The following AGBL4 variants were observed in gnomAD, a reference collection of about 807,000 sequenced individuals.
AGBL4 encodes cytosolic carboxypeptidase 6.
In AGBL4, 58 loss-of-function variants were observed where a neutral mutation model predicts 66.4. The observed-to-expected ratio is 0.87, with a 90% confidence interval of 0.71 to 1.09. The LOEUF is 1.09. Among genes scored for constraint, AGBL4 ranks in the 50% least tolerant of loss-of-function variants. AGBL4 has a pLI of 0.00. For synonymous variants in AGBL4, 234 were observed against 222.9 expected (o/e 1.05, Z -0.44); for missense variants, 579 against 631.0 (o/e 0.92, Z 0.88).
At position 49,423,955 on chromosome 1, in the gene AGBL4, C is replaced by T. The variant is rs1042031340; in HGVS notation, c.283-178091G>A. ...AATGTCAATGAGAAATGACCTTCAA[C>T]TCTCTTAAATAAGATACTAGTACTG... On this transcript the variant is annotated intron_variant, in intron 3 of 13. Transcript: ENST00000371839. Among the ~76,000 whole-genome samples, 7 of 152,072 alleles carry T rather than the reference C, an allele frequency of 4.6e-5. No homozygotes were observed. In the East Asian group the frequency reaches 1.4e-3, roughly 29 times the overall value.
chr1:48,551,585 T>C (rs1644249398), intron 11 of AGBL4, among the ~76,000 whole-genome samples: 1 of 151,610 alleles, frequency 6.6e-6, no homozygotes, highest in Admixed American at 6.6e-5. Flanking sequence ...CAAATCAAGA[T>C]GAGAGAGAGA....
chr1:49,200,640 A>C (rs547422384), intron 4 of AGBL4, among the ~76,000 whole-genome samples: 3 of 152,168 alleles, frequency 2.0e-5, no homozygotes, highest in Non-Finnish European at 4.4e-5. Flanking sequence ...CACTGAGAGA[A>C]ACAGATTTAC....
chr1:48,598,146 T>C (rs1645024014), intron 9 of AGBL4, among the ~76,000 whole-genome samples: 2 of 152,172 alleles, frequency 1.3e-5, no homozygotes, highest in African/African-American at 4.8e-5. Context: ...AGGCCAGGGT[T>C]AGAATTTGGA....
At chr1:49,021,434 T>C (rs1176674373) in intron 5 of AGBL4, among the ~76,000 whole-genome samples, 1 of 152,040 alleles carries the variant, frequency 6.6e-6, no homozygotes, top group Non-Finnish European at 1.5e-5. Flanking sequence ...GGTAGAGTCT[T>C]TGGGAGGTAA....
chr1:48,698,944 A>G (rs902061029), intron 6 of AGBL4, among the ~76,000 whole-genome samples: 14 of 152,100 alleles, frequency 9.2e-5, no homozygotes, highest in African/African-American at 9.7e-5. Flanking sequence ...AGCTGGAATC[A>G]CCTCCCCACA....
intron 5 of AGBL4, among the ~76,000 whole-genome samples, chr1:48,946,956 G>A (rs553411591): frequency 6.6e-6 from 1 of 152,310 alleles, no homozygotes; most frequent in Admixed American, 6.5e-5. Flanking sequence ...TACCTGGAAA[G>A]GCTCTGCATC....
intron 3 of AGBL4, among the ~76,000 whole-genome samples, chr1:49,548,147 A>T (rs889509051): frequency 6.6e-6 from 1 of 152,178 alleles, no homozygotes; most frequent in African/African-American, 2.4e-5. Context: ...TGTGTACACT[A>T]GTCTTGTATC....
chr1:48,766,988 A>G (rs968911180), intron 6 of AGBL4, among the ~76,000 whole-genome samples: 9 of 152,212 alleles, frequency 5.9e-5, no homozygotes, highest in African/African-American at 2.2e-4. Flanking sequence ...TATAGTGCAA[A>G]TATCTGCTCT....
chr1:48,690,196 G>T (rs537166675), intron 6 of AGBL4, among the ~76,000 whole-genome samples: 1 of 152,316 alleles, frequency 6.6e-6, no homozygotes, highest in Admixed American at 6.5e-5. Flanking sequence ...GCCCATCCAG[G>T]CCCCAGCCTT....
At chr1:48,956,065 G>C (rs1364876650) in intron 5 of AGBL4, among the ~76,000 whole-genome samples, 5 of 152,234 alleles carry the variant, frequency 3.3e-5, no homozygotes, top group Non-Finnish European at 7.3e-5. Context: ...TTGGGCATTA[G>C]GCCCTGTTGC....
At chr1:48,726,125 C>T (rs1430568339) in intron 6 of AGBL4, among the ~76,000 whole-genome samples, 1 of 152,194 alleles carries the variant, frequency 6.6e-6, no homozygotes, top group Non-Finnish European at 1.5e-5. Flanking sequence ...ATTAACTGCC[C>T]TGTTCTCTTG....
chr1:49,832,965 T>C (rs1278194113), intron 2 of AGBL4, among the ~76,000 whole-genome samples: 1 of 152,018 alleles, frequency 6.6e-6, no homozygotes, highest in Non-Finnish European at 1.5e-5. Context: ...CTGATGGTAG[T>C]TTCTTTTGCT....
chr1:49,841,953 C>A, intron 2 of AGBL4: 2 of 567,588 alleles, frequency 3.5e-6, no homozygotes, highest in Non-Finnish European at 3.2e-6. Flanking sequence ...GCGTGTCCTC[C>A]ACCTCGTACC....
rs41289172 is a variant in AGBL4, at chr1:48,535,027, C to T, written c.1365-111G>A. The T allele has an allele frequency of 0.01, 10,031 of 995,540 alleles. 268 individuals are homozygous for T. In the East Asian group the frequency reaches 0.1, roughly 10 times the overall value. The allele number at this position is 995,540 out of a possible 1,614,324, so 61.7% of individuals were successfully genotyped here. A position where few individuals can be genotyped will look rare whatever the true frequency, so the allele number is the denominator to read the frequency against. On this transcript the variant is annotated intron_variant, in intron 12 of 13. Coordinates refer to ENST00000371839, the MANE Select transcript of AGBL4 (RefSeq NM_032785.4). ...AAGGATGTTGTTTTTAACACCCAAACGGAGCATAGGACGTAAGTATGTTTT... is the reference window on the plus strand; with the variant it reads ...AAGGATGTTGTTTTTAACACCCAAATGGAGCATAGGACGTAAGTATGTTTT...
At chr1:50,018,325 T>G (rs1662146566) in intron 1 of AGBL4, among the ~76,000 whole-genome samples, 1 of 152,102 alleles carries the variant, frequency 6.6e-6, no homozygotes, top group South Asian at 2.1e-4. Flanking sequence ...GTTTTATGGA[T>G]CCCATTAAAT....
chr1:49,497,093 T>A (rs896284171), intron 3 of AGBL4, among the ~76,000 whole-genome samples: 1 of 152,022 alleles, frequency 6.6e-6, no homozygotes, highest in African/African-American at 2.4e-5. Context: ...GATATTTCAT[T>A]GTGGTTTTAA....
chr1:49,829,125 C>T (rs1162535090), intron 2 of AGBL4, among the ~76,000 whole-genome samples: 2 of 151,316 alleles, frequency 1.3e-5, no homozygotes, highest in Non-Finnish European at 2.9e-5. Context: ...ATGTTAACTG[C>T]TTGAATAAGG....
intron 1 of AGBL4, among the ~76,000 whole-genome samples, chr1:49,972,143 T>G (rs1350920805): frequency 6.6e-6 from 1 of 151,680 alleles, no homozygotes; most frequent in African/African-American, 2.4e-5. Context: ...GGTCTCGATC[T>G]CCTGACCTCA....
chr1:49,045,942 C>T, intron 4 of AGBL4, 142 bp from the exon 5 acceptor site: 1 of 719,276 alleles, frequency 1.4e-6, no homozygotes, highest in South Asian at 2.0e-5. Flanking sequence ...ACAACACAAA[C>T]CACATATTGT....
Sources: gnomAD v4.1 joint callset for allele counts (sites outside exome capture counted in the v4.1 genomes callset) on GRCh38, gnomAD v4.1.1 for gene constraint, MANE v1.5 for transcripts, NCBI Gene and HGNC (gene_info 2026-07-23, HGNC 2026-07-21) for gene names.